Variants in MYOM3 observed in about 807,000 individuals in gnomAD.
MYOM3 encodes the protein myomesin 3.
In MYOM3, 155 loss-of-function variants were observed where a neutral mutation model predicts 191.7. The observed-to-expected ratio is 0.81, with a 90% CI of 0.71 to 0.92. The LOEUF (loss-of-function observed/expected upper bound fraction) is 0.92, where lower values mean the gene tolerates loss of function less well. MYOM3 is among the 40% of genes least tolerant of loss of function. MYOM3 has a pLI of 0.00. For synonymous variants in MYOM3, 757 were observed against 762.9 expected (o/e 0.99, Z 0.13); for missense variants, 1,889 against 1,890.6 (o/e 1.00, Z 0.02).
chr1:24,071,228 G>A lies in MYOM3; in HGVS notation c.3039C>T (p.Asn1013=), dbSNP rs114185181. The A allele has an allele frequency of 8.7e-4, 1,403 of 1,613,626 alleles. 14 individuals carry two copies. In the African/African-American group the frequency reaches 0.015, roughly 17 times the overall value. Reference sequence around the variant, plus strand: ...CCTCCCCTCGCTCCAGGATGTCAATGTTCCAGCCGGAGATCAGTTTGATCA... The same window carrying A: ...CCTCCCCTCGCTCCAGGATGTCAATATTCCAGCCGGAGATCAGTTTGATCA... ...NPVIKLISGW[N]IDILERGEVR... Residue 1013 remains asparagine (N), a synonymous_variant, in exon 25 of 37, where the codon AAC becomes AAT. Coordinates refer to ENST00000374434, the MANE Select transcript of MYOM3 (RefSeq NM_152372.4).
rs1371968031 is a variant in MYOM3, at chr1:24,064,169, A to C, written c.3535-10T>G. On this transcript the variant is annotated splice_polypyrimidine_tract_variant and intron_variant, in intron 29 of 36. Transcript: ENST00000374434. ...TGTCCTTTTTGGACAACTGGAAAGA[A>C]GGATGAGCGATGGTGGTGTCAGCAT... 5.0e-6 allele frequency: 8 copies of C among 1,609,834 alleles called. No homozygotes were observed. The highest frequency in any genetic ancestry group is 6.8e-6 in the Non-Finnish European group (8 of 1,177,254).
In MYOM3 at chr1:24,063,564, T is replaced by C. The variant is rs1392927360; in HGVS notation, c.3623-34A>G. The C allele has an allele frequency of 1.2e-6, 2 of 1,613,542 alleles. No individual in the cohort carries two copies. Among genetic ancestry groups the C allele is most frequent in the African/African-American group, 2.7e-5 (2 of 74,874 alleles). On this transcript the variant is annotated intron_variant, in intron 30 of 36. Transcript: ENST00000374434. This position sits in a 1 kb window ranked among gnomAD's most constrained non-coding sequence, Gnocchi z 4.5. ...AAACAGAGAGAAGGGTTAGCTGGCA[T>C]AGGGCTCCCCTAGGGATGTGCTAGG...
intron 13 of MYOM3, 89 bp downstream of exon 13, chr1:24,089,976 C>A: frequency 1.5e-6 from 2 of 1,364,728 alleles, no homozygotes; most frequent in East Asian, 4.7e-5. Flanking sequence ...ACACCCTGCA[C>A]TGGGACAGCT....
intron 15 of MYOM3, among the ~76,000 whole-genome samples, chr1:24,085,261 G>T (rs2148553157): frequency 7.1e-6 from 1 of 140,944 alleles, no homozygotes; most frequent in East Asian, 2.1e-4. Flanking sequence ...TGAATAAATG[G>T]ATGCATGGAT....
rs1331410592 is a variant in MYOM3 at position 24,089,684 on chromosome 1, G to A, written c.1487-19C>T. The A allele has an allele frequency of 5.1e-6, 8 of 1,561,690 alleles. No individual in the cohort carries two copies. Among genetic ancestry groups the A allele is most frequent in the South Asian group, 1.2e-5 (1 of 83,986 alleles). ...ACAGTATCTGAAATCAGAGTCACCC[G>A]GGACCGAGATGGTTGGACCCTCAGA... is the stretch of plus-strand genomic sequence containing the variant. On this transcript the variant is annotated intron_variant, in intron 13 of 36. Coordinates refer to ENST00000374434, the MANE Select transcript of MYOM3 (RefSeq NM_152372.4).
chr1:24,078,208 A>G (rs1242318068), intron 20 of MYOM3, among the ~76,000 whole-genome samples: 3 of 150,496 alleles, frequency 2.0e-5, no homozygotes, highest in South Asian at 2.1e-4. Flanking sequence ...TCCGCCTCCC[A>G]GGTTCAGGTG....
intron 18 of MYOM3, 64 bp downstream of exon 18, chr1:24,081,937 G>T: frequency 6.8e-7 from 1 of 1,462,130 alleles, no homozygotes; most frequent in Non-Finnish European, 9.3e-7. Context: ...CAAGACTCAA[G>T]CAGTGCCCTC....
At position 24,067,283 on chromosome 1, in the gene MYOM3, C is replaced by CCTTTCTTT. The variant is rs775863848; in HGVS notation, c.3356-203_3356-196dup. On this transcript the variant is annotated intron_variant, in intron 27 of 36. Coordinates refer to ENST00000374434, the MANE Select transcript of MYOM3 (RefSeq NM_152372.4). The stretch of plus-strand genomic sequence containing the variant: ...AAATTTCTTTCTTTCTTTCTTCCTT[C>CCTTTCTTT]CTTTCTTTCTTTCTTTCTTTCCTTC... 2.2e-3 allele frequency among the ~76,000 whole-genome samples: 242 copies of CCTTTCTTT among 108,750 alleles called. 2 individuals carry two copies. The highest frequency in any genetic ancestry group is 3.4e-3 in the Non-Finnish European group (161 of 47,918). The allele number at this position is 108,750 out of a possible 152,430, so 71.3% of individuals were successfully genotyped here.
At position 24,111,012 on chromosome 1, in the gene MYOM3, C is replaced by T. The variant is rs1405691582; in HGVS notation, c.-19+1019G>A. 1.3e-5 allele frequency among the ~76,000 whole-genome samples: 2 copies of T among 152,378 alleles called. No homozygotes were observed. Among genetic ancestry groups the T allele is most frequent in the Middle Eastern group, 3.4e-3 (1 of 294 alleles). Reference sequence around the variant, plus strand: ...GCACAGCAGGCAGGGGCCTGGCGCTCGTCCCTGACCTCGGGGCCTCCAGCA... The same window carrying T: ...GCACAGCAGGCAGGGGCCTGGCGCTTGTCCCTGACCTCGGGGCCTCCAGCA... On this transcript the variant is annotated intron_variant, in intron 1 of 36. Coordinates refer to ENST00000374434, the MANE Select transcript of MYOM3 (RefSeq NM_152372.4). This position sits in a 1 kb window ranked among gnomAD's most constrained non-coding sequence, Gnocchi z 4.7.
Position 24,058,989 on chromosome 1 carries a change from AAAT to A in MYOM3, c.3995-13_3995-11del. 1 of 1,607,234 alleles carries A rather than the reference AAAT, an allele frequency of 6.2e-7. No homozygotes were observed. The highest frequency in any genetic ancestry group is 8.5e-7 in the Non-Finnish European group (1 of 1,175,216). On this transcript the variant is annotated splice_polypyrimidine_tract_variant and intron_variant, in intron 35 of 36. Transcript: ENST00000374434. ...ACCACTTTGGCACGATCTGGAAGGG[AAAT>A]AAGAGACCCCAGCGATGAATCCTTT...
At chr1:24,094,408 C>T (rs1643867716) in intron 9 of MYOM3, among the ~76,000 whole-genome samples, 1 of 152,020 alleles carries the variant, frequency 6.6e-6, no homozygotes, top group African/African-American at 2.4e-5. Context: ...CTCAGGTGAT[C>T]CACCCACCTC....
intron 2 of MYOM3, 135 bp downstream of exon 2, chr1:24,108,341 C>G: frequency 2.0e-6 from 2 of 996,988 alleles, no homozygotes; most frequent in Non-Finnish European, 1.4e-6. Flanking sequence ...CCCCCTCAGA[C>G]AGGGGGTTCA....
intron 28 of MYOM3, chr1:24,066,281 C>T (rs1028168605): frequency 9.8e-6 from 7 of 713,086 alleles, no homozygotes; most frequent in South Asian, 3.0e-5. Context: ...CCCTCCATCA[C>T]GATTCATCAA....
At chr1:24,074,407 G>A in intron 22 of MYOM3, 138 bp from the exon 23 acceptor site, 1 of 630,898 alleles carries the variant, frequency 1.6e-6, no homozygotes, top group Non-Finnish European at 2.8e-6. Context: ...GGAAGCACAG[G>A]CAGCTGCCTC....
rs1643309623 is a variant in MYOM3, at chr1:24,057,045, G to A, written c.*319C>T. On this transcript the variant is annotated 3_prime_UTR_variant, in exon 37 of 37. Coordinates refer to ENST00000374434, the MANE Select transcript of MYOM3 (RefSeq NM_152372.4). ...CTGGGGTCGGATAATTCTATGTGGT[G>A]GGAGCTGCAGTGTTTAGCAGCGTAC... 3 of 313,740 alleles carry A rather than the reference G, an allele frequency of 9.6e-6. No individual in the cohort carries two copies. Among genetic ancestry groups the A allele is most frequent in the Non-Finnish European group, 1.8e-5 (3 of 170,124 alleles). 19.4% of individuals were successfully genotyped at this position (313,740 alleles called of 1,614,324 possible).
Position 24,057,609 on chromosome 1 carries a change from T to C in MYOM3, c.4069A>G (p.Ile1357Val). 1.2e-6 allele frequency: 2 copies of C among 1,614,118 alleles called. No individual in the cohort carries two copies. The highest frequency in any genetic ancestry group is 1.7e-6 in the Non-Finnish European group (2 of 1,180,014). ...MEDKTLCLTC[I>V]VSGDPTPEIS... ...TCAGGGGTGGGGTCTCCTGAGACGA[T>C]GCAAGTCAAGCACAGGGTCTGTTTG... Residue 1357 changes from isoleucine to valine, a missense_variant, in exon 37 of 37, where the codon ATC becomes GTC. Transcript: ENST00000374434.
In MYOM3 at chr1:24,104,294, T is replaced by C. The variant is rs1156895910; in HGVS notation, c.560+1626A>G. ...CCATAGGCTGTTCCCTGTCAAGATC[T>C]GGCTCATAGGCAACCTCTTCTGAGA... On this transcript the variant is annotated intron_variant, in intron 5 of 36. Transcript: ENST00000374434. Among the ~76,000 whole-genome samples, 9 of 152,342 alleles carry C rather than the reference T, an allele frequency of 5.9e-5. 4 individuals are homozygous for C. The highest frequency in any genetic ancestry group is 5.9e-4 in the Admixed American group (9 of 15,302).
rs1643400139 is a variant in MYOM3, at chr1:24,063,670, A to G, written c.3623-140T>C. 3.2e-6 allele frequency: 3 copies of G among 950,206 alleles called. No individual in the cohort carries two copies. Among genetic ancestry groups the G allele is most frequent in the Non-Finnish European group, 4.9e-6 (3 of 606,676 alleles). 58.9% of individuals were successfully genotyped at this position (950,206 alleles called of 1,614,324 possible). On this transcript the variant is annotated intron_variant, in intron 30 of 36. Transcript: ENST00000374434. The surrounding 1 kb of genome is among the most constrained non-coding windows in gnomAD (Gnocchi z 4.5). ...CAGGCAACTCTGTAGGATGACTCTC[A>G]TAGCTTGGGGATAGGAGGGGGTTCA...
chr1:24,061,928 C>T lies in MYOM3; in HGVS notation c.3934+18G>A, dbSNP rs1176846651. The T allele has an allele frequency of 1.2e-6, 2 of 1,613,852 alleles. No homozygotes were observed. Among genetic ancestry groups the T allele is most frequent in the Non-Finnish European group, 1.7e-6 (2 of 1,179,916 alleles). On this transcript the variant is annotated intron_variant, in intron 33 of 36. Coordinates refer to ENST00000374434, the MANE Select transcript of MYOM3 (RefSeq NM_152372.4). ...TTTTCTAAGCAGGTTTCCCTGCAGACATAGGTGGATGGCTCACCTTGCCCT... is the reference window on the plus strand; with the variant it reads ...TTTTCTAAGCAGGTTTCCCTGCAGATATAGGTGGATGGCTCACCTTGCCCT...
Sources: gnomAD v4.1 joint callset for allele counts (sites outside exome capture counted in the v4.1 genomes callset) on GRCh38, gnomAD v4.1.1 for gene constraint, Gnocchi (gnomAD v3.1) non-coding constraint, MANE v1.5 for transcripts, NCBI Gene and HGNC (gene_info 2026-07-23, HGNC 2026-07-21) for gene names.